Variants in ESAM observed in about 807,000 individuals in gnomAD.
ESAM encodes endothelial cell-selective adhesion molecule.
Under a neutral mutation model 31.8 loss-of-function variants are expected in ESAM, and 23 were observed. That is an observed-to-expected ratio of 0.72 (90% CI 0.52 to 1.03). The LOEUF is 1.03. Ranked by LOEUF, ESAM falls within the 50% of genes least tolerant of loss-of-function variation. ESAM has a pLI of 0.00. For missense variants in ESAM, 478 were observed against 488.9 expected, an observed-to-expected ratio of 0.98 and a Z score of 0.21; for synonymous variants, 216 against 207.2, an observed-to-expected ratio of 1.04 and a Z score of -0.37.
chr11:124,761,920 G>T (rs1944235099), intron 1 of ESAM, among the ~76,000 whole-genome samples, 165 bp downstream of exon 1: 1 of 152,152 alleles, frequency 6.6e-6, no homozygotes, highest in Non-Finnish European at 1.5e-5. Flanking sequence ...CCGACAAAGC[G>T]AGAAGTCAGC....
chr11:124,758,826 A>AG (rs1489521303), intron 1 of ESAM, among the ~76,000 whole-genome samples: 1 of 152,124 alleles, frequency 6.6e-6, no homozygotes, highest in African/African-American at 2.4e-5. Context: ...CATCAAAGAG[A>AG]GGGGGCAGAT....
intron 1 of ESAM, 100 bp from the exon 2 acceptor site, chr11:124,758,627 T>C: frequency 1.5e-6 from 2 of 1,372,160 alleles, no homozygotes; most frequent in Non-Finnish European, 1.9e-6. Flanking sequence ...GAAAGTCGCT[T>C]TAACTGGAAA....
chr11:124,762,057 G>A lies in ESAM; in HGVS notation c.70+28C>T. The A allele has an allele frequency of 6.2e-7, 1 of 1,600,400 alleles. No homozygotes were observed. Among genetic ancestry groups the A allele is most frequent in the South Asian group, 1.1e-5 (1 of 89,696 alleles). ...GAACTCACCCCATCCCGCATCCCAA[G>A]TCCCCTCCAGGTCCGGGTTTCACTC... On this transcript the variant is annotated intron_variant, in intron 1 of 6. Transcript: ENST00000278927. The surrounding 1 kb of genome is among the most constrained non-coding windows in gnomAD (Gnocchi z 6.4).
In ESAM at chr11:124,758,350, T is replaced by A. The variant is rs1337502170; in HGVS notation, c.248A>T (p.Gln83Leu). The A allele has an allele frequency of 6.2e-7, 1 of 1,613,812 alleles. No homozygotes were observed. Among genetic ancestry groups the A allele is most frequent in the Non-Finnish European group, 8.5e-7 (1 of 1,179,818 alleles). ...WFFKQKEKEDQVLSYINGVTT... is the reference protein window; with the variant it reads ...WFFKQKEKEDLVLSYINGVTT... ...GGCTGACAGGCGTTCTTCCCTCACC[T>A]GATCCTCCTTTTCTTTCTGTTTGAA... The change falls in exon 2 of 7, where the codon CAG (glutamine) becomes CTG (leucine). Residue 83 changes from glutamine to leucine, a missense_variant and splice_region_variant. Coordinates refer to ENST00000278927, the MANE Select transcript of ESAM (RefSeq NM_138961.3).
Position 124,754,612 on chromosome 11 carries a change from C to G in ESAM, c.730+29G>C. 4 of 1,600,692 alleles carry G rather than the reference C, an allele frequency of 2.5e-6. No individual in the cohort carries two copies. Among genetic ancestry groups the G allele is most frequent in the Non-Finnish European group, 1.7e-6 (2 of 1,173,022 alleles). On this transcript the variant is annotated intron_variant, in intron 5 of 6. Transcript: ENST00000278927. The surrounding 1 kb of genome is among the most constrained non-coding windows in gnomAD (Gnocchi z 4.5). ...AACCCCTCCCCCACCATTGACCACT[C>G]TTCTTAACCACACTTACCCCTCACT...
At chr11:124,760,593 G>C (rs1055376096) in intron 1 of ESAM, among the ~76,000 whole-genome samples, 1 of 152,242 alleles carries the variant, frequency 6.6e-6, no homozygotes, top group Non-Finnish European at 1.5e-5. Flanking sequence ...GTTGCACCGG[G>C]GTCACCAGTG....
chr11:124,762,149 A>C lies in ESAM; in HGVS notation c.6T>G (p.Ile2Met). 1 of 1,609,150 alleles carries C rather than the reference A, an allele frequency of 6.2e-7. No individual in the cohort carries two copies. Among genetic ancestry groups the C allele is most frequent in the Non-Finnish European group, 8.5e-7 (1 of 1,177,778 alleles). ...TGGTCACCAGGGGCCCCGGGAGGGA[A>C]ATCATGGCCCTCCCTGGCCGGGACG... MISLPGPLVTNL... is the reference protein window; with the variant it reads MMSLPGPLVTNL... Residue 2 changes from isoleucine to methionine, a missense_variant, in exon 1 of 7, where the codon ATT becomes ATG. Ile to Met is a conservative substitution (Grantham distance 10). Coordinates refer to ENST00000278927, the MANE Select transcript of ESAM (RefSeq NM_138961.3). The surrounding 1 kb of genome is among the most constrained non-coding windows in gnomAD (Gnocchi z 6.4).
chr11:124,758,496 G>A lies in ESAM; in HGVS notation c.102C>T (p.His34=), dbSNP rs1285680155. 1 of 1,601,630 alleles carries A rather than the reference G, an allele frequency of 6.2e-7. No individual in the cohort carries two copies. Among genetic ancestry groups the A allele is most frequent in the East Asian group, 2.3e-5 (1 of 44,318 alleles). Residue 34 remains histidine (H), a synonymous_variant, in exon 2 of 7, where the codon CAC becomes CAT. Transcript: ENST00000278927. Reference sequence around the variant, plus strand: ...CCGCCTGCAACCGGTTGGCGGGCAAGTGCAGTTGCAGCTGGGCCCGCGAGG... The same window carrying A: ...CCGCCTGCAACCGGTTGGCGGGCAAATGCAGTTGCAGCTGGGCCCGCGAGG... ...APPSRAQLQL[H]LPANRLQAVE...
In ESAM at chr11:124,754,684, C is replaced by A. The variant is rs770238616; in HGVS notation, c.687G>T (p.Glu229Asp). 6.2e-7 allele frequency: 1 copy of A among 1,614,210 alleles called. No individual in the cohort carries two copies. The highest frequency in any genetic ancestry group is 8.5e-7 in the Non-Finnish European group (1 of 1,180,042). The change falls in exon 5 of 7, where the codon GAG becomes GAT. Residue 229 changes from glutamate (E) to aspartate (D), a missense_variant. Coordinates refer to ENST00000278927, the MANE Select transcript of ESAM (RefSeq NM_138961.3). The surrounding 1 kb of genome is among the most constrained non-coding windows in gnomAD (Gnocchi z 4.5). Reference protein sequence around the residue: ...AGVYVCKAHNEVGTAQCNVTL... With the variant: ...AGVYVCKAHNDVGTAQCNVTL... ...TCACATTACATTGGGCAGTGCCCAC[C>A]TCATTGTGGGCCTTGCAGACATAGA...
At chr11:124,755,105 G>A (rs1056790253) in intron 4 of ESAM, among the ~76,000 whole-genome samples, 7 of 152,150 alleles carry the variant, frequency 4.6e-5, no homozygotes, top group African/African-American at 9.7e-5. Flanking sequence ...ACTGGTAAAC[G>A]TGGGTTCCAG....
intron 2 of ESAM, among the ~76,000 whole-genome samples, chr11:124,758,000 G>C (rs925544836): frequency 1.3e-5 from 2 of 152,122 alleles, no homozygotes; most frequent in Non-Finnish European, 2.9e-5. Flanking sequence ...AGTCAGGCCA[G>C]AAATATGCTA....
intron 4 of ESAM, 84 bp downstream of exon 4, chr11:124,756,123 C>G: frequency 3.8e-6 from 6 of 1,579,256 alleles, no homozygotes; most frequent in Non-Finnish European, 5.2e-6. Flanking sequence ...GCCTTGGCTC[C>G]CCTTTTCACC....
In ESAM at chr11:124,754,582, C is replaced by A. The variant is rs1591428157; in HGVS notation, c.730+59G>T. ...CCTCAGCAGACAGGCCTCCTCCCCA[C>A]TTGCAACCCCTCCCCCACCATTGAC... On this transcript the variant is annotated intron_variant, in intron 5 of 6. Coordinates refer to ENST00000278927, the MANE Select transcript of ESAM (RefSeq NM_138961.3). This position sits in a 1 kb window ranked among gnomAD's most constrained non-coding sequence, Gnocchi z 4.5. 3 of 1,571,842 alleles carry A rather than the reference C, an allele frequency of 1.9e-6. No individual in the cohort carries two copies. The East Asian group carries it at 6.8e-5, about 35-fold the overall frequency.
Position 124,758,451 on chromosome 11 carries a change from C to T in ESAM, c.147G>A (p.Val49=), listed in dbSNP as rs569797014. The part of the protein sequence containing the change: ...RLQAVEGGEV[V]LPAWYTLHGE... Reference sequence around the variant, plus strand: ...CGTGCAAGGTGTACCACGCTGGAAGCACCACTTCCCCTCCCTCCACCGCCT... The same window carrying T: ...CGTGCAAGGTGTACCACGCTGGAAGTACCACTTCCCCTCCCTCCACCGCCT... The change falls in exon 2 of 7, where the codon GTG becomes GTA. Residue 49 remains valine, a synonymous_variant. Transcript: ENST00000278927. The T allele has an allele frequency of 6.2e-6, 10 of 1,613,696 alleles. No individual in the cohort carries two copies. The highest frequency in any genetic ancestry group is 1.6e-4 in the Middle Eastern group (1 of 6,062).
rs771857471 is a variant in ESAM, at chr11:124,754,186, C to T, written c.857+28G>A. ...CTGTGAGGAGAGCTGGGAGAGCCCC[C>T]GCTGCAGCAGACACCAGGGACACTT... On this transcript the variant is annotated intron_variant, in intron 6 of 6. Transcript: ENST00000278927. The surrounding 1 kb of genome is among the most constrained non-coding windows in gnomAD (Gnocchi z 4.5). 34 of 1,607,960 alleles carry T rather than the reference C, an allele frequency of 2.1e-5. No individual in the cohort carries two copies. Among genetic ancestry groups the T allele is most frequent in the East Asian group, 2.0e-4 (9 of 44,812 alleles).
In ESAM at chr11:124,753,599, T is replaced by C. The variant is rs1697746640; in HGVS notation, c.*47A>G. On this transcript the variant is annotated 3_prime_UTR_variant, in exon 7 of 7. Transcript: ENST00000278927. ...GCCTCTGTGCTAGAGGTGACCCTTA[T>C]AGGAAGGAGAGACCCCAAATCCTTT... is the stretch of plus-strand genomic sequence containing the variant. 6.2e-7 allele frequency: 1 copy of C among 1,605,664 alleles called. No individual in the cohort carries two copies. Among genetic ancestry groups the C allele is most frequent in the Non-Finnish European group, 8.5e-7 (1 of 1,176,384 alleles).
In ESAM at chr11:124,759,951, C is replaced by G. The variant is rs1236072792; in HGVS notation, c.71-1424G>C. On this transcript the variant is annotated intron_variant, in intron 1 of 6. Transcript: ENST00000278927. The surrounding 1 kb of genome is among the most constrained non-coding windows in gnomAD (Gnocchi z 6.8). ...GAGCCTGCAGGTGCTGCCGGCTCTC[C>G]CCCAGCCTTTCTACGACACACACCC... Among the ~76,000 whole-genome samples the G allele has an allele frequency of 1.3e-5, 2 of 152,222 alleles. No individual in the cohort carries two copies. Among genetic ancestry groups the G allele is most frequent in the Non-Finnish European group, 2.9e-5 (2 of 68,040 alleles).
intron 4 of ESAM, among the ~76,000 whole-genome samples, chr11:124,755,097 T>C (rs937477250): frequency 5.9e-5 from 9 of 152,210 alleles, no homozygotes; most frequent in Non-Finnish European, 1.3e-4. Flanking sequence ...GGGTAGGAAC[T>C]GGTAAACGTG....
chr11:124,761,239 G>A (rs926123138), intron 1 of ESAM, among the ~76,000 whole-genome samples: 2 of 152,196 alleles, frequency 1.3e-5, no homozygotes, highest in East Asian at 3.9e-4. Context: ...GGGACAGCAA[G>A]TGAAATAGTT....
Sources: allele counts gnomAD v4.1 joint callset (sites outside exome capture counted in the v4.1 genomes callset), GRCh38; gene constraint gnomAD v4.1.1; non-coding constraint Gnocchi (gnomAD v3.1); transcripts MANE v1.5; gene names NCBI Gene and HGNC (gene_info 2026-07-23, HGNC 2026-07-21).